LUZP1: variants seen among roughly 807,000 people sequenced by gnomAD.
LUZP1 encodes the protein filamin mechanobinding actin cross-linking protein.
In LUZP1, 25 loss-of-function variants were observed where a neutral mutation model predicts 71.3. That is an observed-to-expected ratio of 0.35 (90% confidence interval 0.26 to 0.49). The LOEUF is 0.49. Ranked by LOEUF, LUZP1 falls within the 20% of genes least tolerant of loss-of-function variation. The pLI is 0.99. For synonymous variants in LUZP1, 481 were observed against 506.4 expected (o/e 0.95, Z 0.67); for missense variants, 1,142 against 1,300.8 (o/e 0.88, Z 1.88).
chr1:23,152,165 T>TA (rs946735501), intron 2 of LUZP1, among the ~76,000 whole-genome samples: 12 of 152,178 alleles, frequency 7.9e-5, no homozygotes, highest in South Asian at 2.1e-4. Context: ...CAAATTATGT[T>TA]AAAAAAATCA....
chr1:23,124,956 CG>C (rs1644159835), intron 2 of LUZP1, among the ~76,000 whole-genome samples: 1 of 152,076 alleles, frequency 6.6e-6, no homozygotes, highest in South Asian at 2.1e-4. Flanking sequence ...AGGCAAGGTA[CG>C]AAAGTGTTGA....
At chr1:23,170,462 C>CTTTTTTT (rs200073505) in intron 1 of LUZP1, among the ~76,000 whole-genome samples, 4 of 127,444 alleles carry the variant, frequency 3.1e-5, no homozygotes, top group Admixed American at 7.9e-5. Flanking sequence ...CTTTTTCTTT[C>CTTTTTTT]TTTTTTTTTT....
chr1:23,165,714 T>C (rs149031181), intron 2 of LUZP1, among the ~76,000 whole-genome samples: 2 of 152,222 alleles, frequency 1.3e-5, no homozygotes, highest in Non-Finnish European at 2.9e-5. Context: ...GCATCTATTA[T>C]ATGCATCAAA....
exon 5 of LUZP1, chr1:23,084,684 T>TTA (rs1245126129): frequency 2.6e-5 from 4 of 151,956 alleles, no homozygotes; most frequent in African/African-American, 7.3e-5. Context: ...AGGGACATCA[T>TTA]TATATATATT....
chr1:23,089,461 G>A (rs1039680660), intron 4 of LUZP1, among the ~76,000 whole-genome samples: 6 of 152,132 alleles, frequency 3.9e-5, no homozygotes, highest in African/African-American at 7.2e-5. Context: ...AGAGAGGTCC[G>A]GACAGCTCTC....
At chr1:23,162,683 C>T (rs1029980569) in intron 2 of LUZP1, 2 of 151,912 alleles carry the variant, frequency 1.3e-5, no homozygotes, top group African/African-American at 4.8e-5. Context: ...ACTATTTTGT[C>T]CAGATAAAAA....
At chr1:23,176,937 A>G (rs1221028516) in intron 1 of LUZP1, among the ~76,000 whole-genome samples, 1 of 152,140 alleles carries the variant, frequency 6.6e-6, no homozygotes, top group Non-Finnish European at 1.5e-5. Context: ...GCTGCAGTGC[A>G]GTGACACAAT....
At chr1:23,105,210 G>T (rs188075537) in intron 3 of LUZP1, among the ~76,000 whole-genome samples, 1 of 152,150 alleles carries the variant, frequency 6.6e-6, no homozygotes, top group Non-Finnish European at 1.5e-5. Context: ...GTAGCAATGG[G>T]GTAAAAGGGT....
At position 23,103,923 on chromosome 1, in the gene LUZP1, G is replaced by C. The variant is rs1478994413; in HGVS notation, c.-120+5099C>G. Among the ~76,000 whole-genome samples, 13 of 97,150 alleles carry C rather than the reference G, an allele frequency of 1.3e-4. 1 individual carries two copies. The highest frequency in any genetic ancestry group is 5.2e-4 in the African/African-American group (13 of 24,980). 63.7% of individuals were successfully genotyped at this position (97,150 alleles called of 152,430 possible). On this transcript the variant is annotated intron_variant, in intron 3 of 4. Coordinates refer to ENST00000302291, the Ensembl canonical transcript of LUZP1. ...GGGAGGGGGGAAGGAGGGAGGGAGG[G>C]GGGGAAGGAGGGAGGGAGTGAACAA...
Position 23,140,906 on chromosome 1 carries a change from C to T in LUZP1, c.-226+27860G>A, listed in dbSNP as rs80237332. ...CCTGCTCTGGCATCAGAGCCAGTCA[C>T]GCCACACCAGGCTCATGCTGGAGCC... On this transcript the variant is annotated intron_variant, in intron 2 of 4. Transcript: ENST00000302291. 6.8e-3 allele frequency: 1,037 copies of T among 152,504 alleles called. 4 individuals are homozygous for T. The highest frequency in any genetic ancestry group is 0.011 in the Non-Finnish European group (761 of 68,158). 9.4% of individuals were successfully genotyped at this position (152,504 alleles called of 1,614,324 possible).
At chr1:23,155,485 A>G (rs1644414222) in intron 2 of LUZP1, among the ~76,000 whole-genome samples, 1 of 152,198 alleles carries the variant, frequency 6.6e-6, no homozygotes, top group Admixed American at 6.5e-5. Context: ...TTCCTCTGCA[A>G]AATGAGGATA....
At chr1:23,163,549 G>A (rs1184775912) in intron 2 of LUZP1, among the ~76,000 whole-genome samples, 6 of 125,368 alleles carry the variant, frequency 4.8e-5, no homozygotes, top group Non-Finnish European at 8.0e-5. Context: ...GTGAGATCCC[G>A]TCTCTTAAAA....
intron 2 of LUZP1, among the ~76,000 whole-genome samples, chr1:23,163,208 C>G (rs1360426295): frequency 6.7e-6 from 1 of 148,602 alleles, no homozygotes; most frequent in Non-Finnish European, 1.5e-5. Context: ...CCACTTCACT[C>G]CAGCCTGGGT....
chr1:23,153,445 C>T (rs898999537), intron 2 of LUZP1, among the ~76,000 whole-genome samples: 7 of 152,178 alleles, frequency 4.6e-5, no homozygotes, highest in African/African-American at 1.7e-4. Context: ...AGTCTAACTG[C>T]CTGCATGAAG....
chr1:23,121,810 G>A (rs565379413), intron 2 of LUZP1, among the ~76,000 whole-genome samples: 10 of 152,054 alleles, frequency 6.6e-5, no homozygotes, highest in African/African-American at 2.4e-4. Context: ...TCAGGAGTTT[G>A]AGACCAGCCT....
chr1:23,091,719 T>G, exon 4 of LUZP1: 1 of 1,614,112 alleles, frequency 6.2e-7, no homozygotes, highest in African/African-American at 1.3e-5. Flanking sequence ...GATGTCATGT[T>G]TGTGAATGGA....
intron 3 of LUZP1, among the ~76,000 whole-genome samples, 163 bp downstream of exon 2, chr1:23,108,859 C>T (rs1269401720): frequency 2.0e-5 from 3 of 152,172 alleles, no homozygotes; most frequent in Non-Finnish European, 2.9e-5. Flanking sequence ...TTTTCACCCT[C>T]ATCAGGTTGG....
chr1:23,124,686 C>T (rs1644157500), intron 2 of LUZP1, among the ~76,000 whole-genome samples: 1 of 152,068 alleles, frequency 6.6e-6, no homozygotes, highest in African/African-American at 2.4e-5. Flanking sequence ...CTACAAGAAC[C>T]CTTAAACAGA....
chr1:23,092,142 T>C, exon 4 of LUZP1: 1 of 1,614,178 alleles, frequency 6.2e-7, no homozygotes, highest in Non-Finnish European at 8.5e-7. Flanking sequence ...ATCTTTATCA[T>C]TCTCAAATAG....
Sources: gnomAD v4.1 joint callset for allele counts (sites outside exome capture counted in the v4.1 genomes callset) on GRCh38, gnomAD v4.1.1 for gene constraint, MANE v1.5 for transcripts, NCBI Gene and HGNC (gene_info 2026-07-23, HGNC 2026-07-21) for gene names.